FAM169A: variants seen among roughly 807,000 people sequenced by gnomAD.
FAM169A encodes soluble lamin-associated protein of 75 kDa.
Under a neutral mutation model 75.7 loss-of-function variants are expected in FAM169A, and 24 were observed. The observed-to-expected ratio is 0.32, with a 90% CI of 0.23 to 0.45. The LOEUF (loss-of-function observed/expected upper bound fraction) is 0.45, where lower values mean the gene tolerates loss of function less well. FAM169A is among the 20% of genes least tolerant of loss of function. The pLI, the probability that FAM169A is intolerant of heterozygous loss-of-function variation, is 1.00. For synonymous variants in FAM169A, 271 were observed against 271.0 expected (o/e 1.00, Z 0.00); for missense variants, 673 against 784.0 (o/e 0.86, Z 1.69).
chr5:74,834,999 T>TAAAAAAA (rs34697673), intron 4 of FAM169A, among the ~76,000 whole-genome samples: 1 of 131,128 alleles, frequency 7.6e-6, no homozygotes. Context: ...TCTCCACATT[T>TAAAAAAA]AAAAAAAAAA....
intron 10 of FAM169A, chr5:74,799,112 G>A (rs1365830919): frequency 1.2e-5 from 12 of 977,900 alleles, no homozygotes; most frequent in Admixed American, 3.4e-5. Flanking sequence ...AAGAATGGGC[G>A]CCAGTGTGTG....
intron 5 of FAM169A, among the ~76,000 whole-genome samples, chr5:74,818,491 C>T (rs1036811378): frequency 6.6e-6 from 1 of 152,084 alleles, no homozygotes; most frequent in African/African-American, 2.4e-5. Flanking sequence ...CTGAATTCTA[C>T]ACCATAAAAA....
intron 5 of FAM169A, among the ~76,000 whole-genome samples, chr5:74,814,824 G>A (rs1366023791): frequency 2.6e-5 from 4 of 152,182 alleles, no homozygotes; most frequent in Non-Finnish European, 5.9e-5. Context: ...AGGGAACGTG[G>A]TGGTGTGTCA....
chr5:74,840,214 A>G, intron 2 of FAM169A, 41 bp from the exon 3 acceptor site: 1 of 842,246 alleles, frequency 1.2e-6, no homozygotes, highest in Non-Finnish European at 1.9e-6. Context: ...ACAGTCTGTT[A>G]AGAAAATACA....
intron 1 of FAM169A, among the ~76,000 whole-genome samples, chr5:74,860,220 A>G (rs1214281917): frequency 1.3e-5 from 2 of 152,218 alleles, no homozygotes; most frequent in African/African-American, 4.8e-5. Context: ...TGTTGATGGA[A>G]GTATCAGAAT....
In FAM169A at chr5:74,780,657, G is replaced by C. The variant is rs1745368074; in HGVS notation, c.*803C>G. ...CAAAGTATAGTTGTGATTTTTACCTGATTAAAGGTGAAAGTCTAAACTTCT... is the reference window on the plus strand; with the variant it reads ...CAAAGTATAGTTGTGATTTTTACCTCATTAAAGGTGAAAGTCTAAACTTCT... On this transcript the variant is annotated 3_prime_UTR_variant, in exon 13 of 13. Transcript: ENST00000687041. 2 of 152,132 alleles carry C rather than the reference G, an allele frequency of 1.3e-5. No individual in the cohort carries two copies. Among genetic ancestry groups the C allele is most frequent in the African/African-American group, 4.8e-5 (2 of 41,426 alleles). 9.4% of individuals were successfully genotyped at this position (152,132 alleles called of 1,614,324 possible). A position where few individuals can be genotyped will look rare whatever the true frequency, so the allele number is the denominator to read the frequency against.
chr5:74,846,522 C>G (rs1477224656), intron 1 of FAM169A, among the ~76,000 whole-genome samples: 2 of 152,124 alleles, frequency 1.3e-5, no homozygotes, highest in Non-Finnish European at 2.9e-5. Flanking sequence ...ATGCTAATTT[C>G]ATATTTAAAA....
chr5:74,837,908 G>A (rs906716397), intron 4 of FAM169A, among the ~76,000 whole-genome samples: 3 of 151,638 alleles, frequency 2.0e-5, no homozygotes, highest in African/African-American at 4.8e-5. Context: ...ACTTGAAGTC[G>A]GGAGTTCGAG....
rs1175573086 is a variant in FAM169A, at chr5:74,781,540, GCACTTC to G, written c.1927_1932del (p.Glu643_Val644del). 6.2e-7 allele frequency: 1 copy of G among 1,613,960 alleles called. No individual in the cohort carries two copies. Among genetic ancestry groups the G allele is most frequent in the Non-Finnish European group, 8.5e-7 (1 of 1,179,996 alleles). On this transcript the variant is annotated inframe_deletion, in exon 13 of 13. Transcript: ENST00000687041. ...CTTAAATTCCGCCTGTCTACCACAG[GCACTTC>G]CACTTCTATTTCCTCTGAGCTGCTA...
chr5:74,844,932 C>T (rs978252992), intron 1 of FAM169A, among the ~76,000 whole-genome samples: 54 of 152,160 alleles, frequency 3.5e-4, no homozygotes, highest in African/African-American at 1.2e-3. Flanking sequence ...ACCTAGTTGG[C>T]ATTTACCCAA....
chr5:74,801,470 C>T (rs1293406040), intron 9 of FAM169A, 120 bp downstream of exon 9: 2 of 802,328 alleles, frequency 2.5e-6, no homozygotes, highest in Non-Finnish European at 4.2e-6. Context: ...GATTTTAGAG[C>T]TGGTTAAGTC....
chr5:74,832,038 A>G (rs755778662), intron 5 of FAM169A, among the ~76,000 whole-genome samples: 7 of 152,166 alleles, frequency 4.6e-5, no homozygotes, highest in Non-Finnish European at 8.8e-5. Context: ...CAGGAACCAC[A>G]AGCAACTATT....
At chr5:74,788,209 T>C (rs1745794704) in intron 11 of FAM169A, among the ~76,000 whole-genome samples, 1 of 152,200 alleles carries the variant, frequency 6.6e-6, no homozygotes, top group Non-Finnish European at 1.5e-5. Flanking sequence ...AATGGAGTTT[T>C]AGCTCAGGTC....
At chr5:74,837,805 T>C (rs563124455) in intron 4 of FAM169A, among the ~76,000 whole-genome samples, 30 of 152,184 alleles carry the variant, frequency 2.0e-4, no homozygotes, top group Non-Finnish European at 3.7e-4. Flanking sequence ...TCAAGACACA[T>C]ATATATTTCT....
At chr5:74,863,872 G>A (rs911496298) in intron 1 of FAM169A, among the ~76,000 whole-genome samples, 1 of 151,696 alleles carries the variant, frequency 6.6e-6, no homozygotes, top group African/African-American at 2.4e-5. Flanking sequence ...ACTGTTATTT[G>A]CTAGAAAAAA....
intron 11 of FAM169A, among the ~76,000 whole-genome samples, chr5:74,794,553 C>T (rs1361329292): frequency 1.3e-5 from 2 of 151,086 alleles, no homozygotes; most frequent in East Asian, 2.0e-4. Context: ...CCCGTCTTGG[C>T]GGATCACAAG....
intron 12 of FAM169A, 43 bp from the exon 13 acceptor site, chr5:74,782,051 G>A (rs772624287): frequency 1.4e-6 from 2 of 1,451,184 alleles, no homozygotes; most frequent in African/African-American, 2.8e-5. Context: ...TTGTACTACA[G>A]TTCTAAAAAT....
chr5:74,806,453 A>C (rs575019199), intron 6 of FAM169A, among the ~76,000 whole-genome samples: 1 of 151,900 alleles, frequency 6.6e-6, no homozygotes, highest in African/African-American at 2.4e-5. Context: ...AAAACATAGG[A>C]GAATACCTCT....
chr5:74,781,187 C>A lies in FAM169A; in HGVS notation c.*273G>T. ...TTGAAATAATGGTCAGATGTACCAC[C>A]TGATAAAGAAAATATAATATGATCT... is the stretch of plus-strand genomic sequence containing the variant. On this transcript the variant is annotated 3_prime_UTR_variant, in exon 13 of 13. Transcript: ENST00000687041. The A allele has an allele frequency of 2.7e-6, 1 of 366,882 alleles. No individual in the cohort carries two copies. The highest frequency in any genetic ancestry group is 4.9e-6 in the Non-Finnish European group (1 of 204,182). The allele number at this position is 366,882 out of a possible 1,614,324, so 22.7% of individuals were successfully genotyped here.
Sources: gnomAD v4.1 joint callset for allele counts (sites outside exome capture counted in the v4.1 genomes callset) on GRCh38, gnomAD v4.1.1 for gene constraint, MANE v1.5 for transcripts, NCBI Gene and HGNC (gene_info 2026-07-23, HGNC 2026-07-21) for gene names.